Variants in KATNAL2 observed in about 807,000 individuals in gnomAD.
KATNAL2 encodes katanin p60 ATPase-containing subunit A-like 2.
KATNAL2 carries 52 observed loss-of-function variants against 76.3 expected under a neutral mutation model. That is an observed-to-expected ratio of 0.68 (90% CI 0.55 to 0.86). The LOEUF is 0.86. Among genes scored for constraint, KATNAL2 ranks in the 40% least tolerant of loss-of-function variants. The pLI, the probability that KATNAL2 is intolerant of heterozygous loss-of-function variation, is 0.00. For missense variants in KATNAL2, 660 were observed against 668.9 expected (o/e 0.99, Z 0.15); for synonymous variants, 243 against 244.2 (o/e 1.00, Z 0.05).
rs146411852 is a variant in KATNAL2 at position 47,092,975 on chromosome 18, T to G, written c.1212-6268T>G. ...AGAGATAGATTTCTATGCTAGAAATTATTTCTCATCTGAATTCTGAAGGCA... is the reference window on the plus strand; with the variant it reads ...AGAGATAGATTTCTATGCTAGAAATGATTTCTCATCTGAATTCTGAAGGCA... On this transcript the variant is annotated intron_variant, in intron 15 of 17. Transcript: ENST00000683218. Among the ~76,000 whole-genome samples, 31 of 152,358 alleles carry G rather than the reference T, an allele frequency of 2.0e-4. No individual in the cohort carries two copies. In the East Asian group the frequency reaches 6.0e-3, roughly 29 times the overall value.
chr18:47,053,015 C>T lies in KATNAL2; in HGVS notation c.258C>T (p.Tyr86=), dbSNP rs748271937. ...ESYYFVKFQK[Y]PKIVKKSSDT... ...ATTATTTTGTAAAATTTCAGAAATA[C>T]CCCAAAATTGTCAAAAAGTCATCAG... Residue 86 remains tyrosine (Y), a synonymous_variant, in exon 5 of 18, where the codon TAC becomes TAT. Transcript: ENST00000683218. The T allele has an allele frequency of 8.7e-6, 14 of 1,606,006 alleles. No homozygotes were observed. The highest frequency in any genetic ancestry group is 1.3e-5 in the African/African-American group (1 of 74,652).
chr18:46,930,619 CA>C (rs1358357977), intron 1 of KATNAL2, among the ~76,000 whole-genome samples: 4 of 151,902 alleles, frequency 2.6e-5, no homozygotes, highest in Admixed American at 2.0e-4. Flanking sequence ...AGTTCGAGAC[CA>C]GCCTGGCCAA....
chr18:46,946,882 T>C lies in KATNAL2; in HGVS notation c.10T>C (p.Ser4Pro). The change falls in exon 3 of 18, where the codon TCC (serine) becomes CCC (proline). Residue 4 changes from serine to proline, a missense_variant. Physicochemically the swap from Ser to Pro is moderately conservative, Grantham distance 74. Coordinates refer to ENST00000683218, the MANE Select transcript of KATNAL2 (RefSeq NM_001387690.1). Reference sequence around the variant, plus strand: ...CCTAGCACAGTGTCTGATGGAGCTTTCCTACCAGACCCTGAAATTCACGCA... The same window carrying C: ...CCTAGCACAGTGTCTGATGGAGCTTCCCTACCAGACCCTGAAATTCACGCA... MEL[S>P]YQTLKFTHQA... The C allele has an allele frequency of 6.5e-7, 1 of 1,535,898 alleles. No individual in the cohort carries two copies. The highest frequency in any genetic ancestry group is 2.4e-5 in the East Asian group (1 of 40,910).
rs536886877 is a variant in KATNAL2, at chr18:46,949,137, A to G, written c.51+2214A>G. Among the ~76,000 whole-genome samples, 3 of 152,032 alleles carry G rather than the reference A, an allele frequency of 2.0e-5. No homozygotes were observed. The South Asian group carries it at 6.2e-4, about 32-fold the overall frequency. ...GGTCTTGAACTCCTAGGCTCAAGTGATCCTCCCACCTCGGCCTCCCACGGT... is the reference window on the plus strand; with the variant it reads ...GGTCTTGAACTCCTAGGCTCAAGTGGTCCTCCCACCTCGGCCTCCCACGGT... On this transcript the variant is annotated intron_variant, in intron 3 of 17. Transcript: ENST00000683218.
chr18:46,923,828 A>C (rs1407360056), intron 1 of KATNAL2, among the ~76,000 whole-genome samples: 1 of 152,212 alleles, frequency 6.6e-6, no homozygotes, highest in African/African-American at 2.4e-5. Context: ...ATGGCCAGTG[A>C]TGATGAGCAT....
chr18:47,043,230 A>T lies in KATNAL2; in HGVS notation c.52-3227A>T, dbSNP rs2061028725. On this transcript the variant is annotated intron_variant, in intron 3 of 17. Coordinates refer to ENST00000683218, the MANE Select transcript of KATNAL2 (RefSeq NM_001387690.1). ...CGACAGAGCGAGACTCCGTTTCAAAAAAAAAAAAAAAAAAAGAGATCCTAA... is the reference window on the plus strand; with the variant it reads ...CGACAGAGCGAGACTCCGTTTCAAATAAAAAAAAAAAAAAAGAGATCCTAA... Among the ~76,000 whole-genome samples, 3 of 143,186 alleles carry T rather than the reference A, an allele frequency of 2.1e-5. 1 individual carries two copies. The Admixed American group carries it at 2.1e-4, about 10-fold the overall frequency. The allele number at this position is 143,186 out of a possible 152,430, so 93.9% of individuals were successfully genotyped here. A position where few individuals can be genotyped will look rare whatever the true frequency, so the allele number is the denominator to read the frequency against.
chr18:47,045,329 C>CTTTTTTTT (rs10533284), intron 3 of KATNAL2, among the ~76,000 whole-genome samples: 1 of 139,498 alleles, frequency 7.2e-6, no homozygotes. Context: ...CTTTTCTTTT[C>CTTTTTTTT]TTTTTTTTTT....
intron 1 of KATNAL2, among the ~76,000 whole-genome samples, chr18:46,919,880 C>T (rs563352047): frequency 6.6e-6 from 1 of 152,262 alleles, no homozygotes; most frequent in South Asian, 2.1e-4. Flanking sequence ...ATTTACACCT[C>T]AGTAGAATTT....
chr18:47,044,456 C>T (rs1414427789), intron 3 of KATNAL2, among the ~76,000 whole-genome samples: 1 of 152,134 alleles, frequency 6.6e-6, no homozygotes, highest in African/African-American at 2.4e-5. Context: ...GAACTGTACA[C>T]TTAAAAATGG....
intron 1 of KATNAL2, among the ~76,000 whole-genome samples, chr18:46,920,715 T>C (rs1599272484): frequency 6.6e-6 from 1 of 152,236 alleles, no homozygotes; most frequent in Non-Finnish European, 1.5e-5. Context: ...AAAGGGCATG[T>C]TTCTCTTCAC....
At chr18:47,075,751 C>T (rs965653728) in intron 14 of KATNAL2, among the ~76,000 whole-genome samples, 2 of 152,214 alleles carry the variant, frequency 1.3e-5, no homozygotes, top group African/African-American at 2.4e-5. Context: ...GCCCACTCAG[C>T]CACTGTGCAG....
intron 3 of KATNAL2, among the ~76,000 whole-genome samples, chr18:46,961,968 G>A (rs1402630789): frequency 1.3e-5 from 2 of 152,182 alleles, no homozygotes; most frequent in African/African-American, 2.4e-5. Flanking sequence ...GGAGTCTGCG[G>A]AAAGAGCTAC....
chr18:47,033,474 C>G (rs1397824558), intron 3 of KATNAL2: 1 of 1,614,150 alleles, frequency 6.2e-7, no homozygotes, highest in Non-Finnish European at 8.5e-7. Context: ...TTTCCTGTGG[C>G]TTTTCTTCCT....
chr18:46,934,441 G>A (rs2059029167), intron 1 of KATNAL2, among the ~76,000 whole-genome samples: 1 of 152,206 alleles, frequency 6.6e-6, no homozygotes. Context: ...CTGCATAAAT[G>A]TCTTCTTTTG....
At chr18:47,073,534 G>T (rs1044504446) in intron 13 of KATNAL2, among the ~76,000 whole-genome samples, 3 of 152,162 alleles carry the variant, frequency 2.0e-5, no homozygotes, top group African/African-American at 7.2e-5. Context: ...AGCTTTCAAA[G>T]AAAGCAAACC....
At chr18:47,066,953 C>A in intron 10 of KATNAL2, 68 bp from the exon 11 acceptor site, 1 of 746,536 alleles carries the variant, frequency 1.3e-6, no homozygotes, top group Non-Finnish European at 2.1e-6. Context: ...TATTCTGCTG[C>A]TCCCAAGTTT....
chr18:46,954,254 G>T (rs1290554574), intron 3 of KATNAL2, among the ~76,000 whole-genome samples: 1 of 150,928 alleles, frequency 6.6e-6, no homozygotes, highest in Non-Finnish European at 1.5e-5. Flanking sequence ...AGAGGAACCT[G>T]GTGTCCCCAT....
At chr18:47,050,063 A>G (rs1223849837) in intron 4 of KATNAL2, among the ~76,000 whole-genome samples, 1 of 152,020 alleles carries the variant, frequency 6.6e-6, no homozygotes, top group Non-Finnish European at 1.5e-5. Context: ...GTTTTTTGGT[A>G]GAGATGAGAT....
At chr18:47,074,827 A>G (rs1340373024) in intron 13 of KATNAL2, among the ~76,000 whole-genome samples, 3 of 152,166 alleles carry the variant, frequency 2.0e-5, no homozygotes, top group Admixed American at 6.5e-5. Context: ...TGGGAACCCA[A>G]TCCTTCCCCT....
Sources: allele counts gnomAD v4.1 joint callset (sites outside exome capture counted in the v4.1 genomes callset), GRCh38; gene constraint gnomAD v4.1.1; transcripts MANE v1.5; gene names NCBI Gene and HGNC (gene_info 2026-07-23, HGNC 2026-07-21).